Variants in KAZN observed in about 807,000 individuals in gnomAD.
The protein encoded by KAZN is kazrin, periplakin interacting protein, also known as kazrin.
A neutral mutation model predicts 87.4 loss-of-function variants in KAZN; 40 were observed. That is an observed-to-expected ratio of 0.46 (90% CI 0.36 to 0.60). The LOEUF (loss-of-function observed/expected upper bound fraction) is 0.60, where lower values mean the gene tolerates loss of function less well. KAZN is among the 20% of genes least tolerant of loss of function. The pLI is 0.00. For missense variants in KAZN, 898 were observed against 1,073.9 expected, an observed-to-expected ratio of 0.84 and a Z score of 2.29; for synonymous variants, 466 against 458.3, an observed-to-expected ratio of 1.02 and a Z score of -0.22.
At chr1:14,523,786 C>T (rs1385099521) in intron 2 of KAZN, among the ~76,000 whole-genome samples, 4 of 152,306 alleles carry the variant, frequency 2.6e-5, no homozygotes, top group Admixed American at 2.0e-4. Context: ...CCATGTGGTC[C>T]TGGGGCTGCA....
intron 1 of KAZN, among the ~76,000 whole-genome samples, chr1:14,741,712 G>A (rs1231658378): frequency 6.6e-6 from 1 of 152,168 alleles, no homozygotes; most frequent in Non-Finnish European, 1.5e-5. Flanking sequence ...ATAGCCAAGA[G>A]GTTCTCACTC....
chr1:14,086,757 G>C (rs1223591464), intron 1 of KAZN, among the ~76,000 whole-genome samples: 2 of 151,952 alleles, frequency 1.3e-5, no homozygotes, highest in Non-Finnish European at 2.9e-5. Context: ...ATGAGGGAAG[G>C]GTCTAGATAC....
intron 1 of KAZN, among the ~76,000 whole-genome samples, chr1:14,157,346 C>G (rs1220474683): frequency 6.6e-6 from 1 of 152,122 alleles, no homozygotes; most frequent in East Asian, 1.9e-4. Flanking sequence ...GAGCTTTGGA[C>G]CTTAAGATGA....
At chr1:14,297,251 A>G (rs1654196361) in intron 2 of KAZN, among the ~76,000 whole-genome samples, 2 of 152,174 alleles carry the variant, frequency 1.3e-5, no homozygotes, top group Admixed American at 6.5e-5. Flanking sequence ...TGCCTTGGTT[A>G]AAAGATAAGT....
At chr1:14,160,582 C>T (rs1317372212) in intron 1 of KAZN, among the ~76,000 whole-genome samples, 3 of 152,146 alleles carry the variant, frequency 2.0e-5, no homozygotes, top group Middle Eastern at 3.2e-3. Context: ...TGAGTTTTGG[C>T]TCTTATGAAG....
chr1:14,916,259 TC>T lies in KAZN; in HGVS notation c.227-44422del, dbSNP rs749937153. ...ATCTTGGTGCACTGCAGCCTCCACC[TC>T]CCGGGTTCAAGCGATTCTCCTGCCT... On this transcript the variant is annotated intron_variant, in intron 1 of 14. Coordinates refer to ENST00000376030, the MANE Select transcript of KAZN (RefSeq NM_201628.3). 2.2e-5 allele frequency among the ~76,000 whole-genome samples: 3 copies of T among 134,152 alleles called. No homozygotes were observed. In the East Asian group the frequency reaches 7.7e-4, roughly 35 times the overall value. 88.0% of individuals were successfully genotyped at this position (134,152 alleles called of 152,430 possible).
chr1:15,076,130 G>A (rs1457886634), intron 8 of KAZN, among the ~76,000 whole-genome samples: 4 of 152,208 alleles, frequency 2.6e-5, no homozygotes, highest in Non-Finnish European at 4.4e-5. Context: ...AGCTGTCACT[G>A]TGGGCACCAG....
intron 2 of KAZN, among the ~76,000 whole-genome samples, chr1:14,466,891 C>T (rs1464230353): frequency 2.0e-5 from 3 of 152,124 alleles, no homozygotes; most frequent in Non-Finnish European, 4.4e-5. Flanking sequence ...ATGGCGTGAA[C>T]CCAGGAGGTG....
intron 2 of KAZN, among the ~76,000 whole-genome samples, chr1:14,589,368 G>A (rs186415743): frequency 4.0e-5 from 6 of 150,764 alleles, no homozygotes; most frequent in Admixed American, 6.6e-5. Context: ...AGTCAATTAA[G>A]ATAAACATGA....
At chr1:14,071,529 T>G (rs1019890678) in intron 1 of KAZN, among the ~76,000 whole-genome samples, 40 of 152,250 alleles carry the variant, frequency 2.6e-4, no homozygotes, top group Middle Eastern at 3.4e-3. Context: ...AATGTATATT[T>G]GTGTAGAGAG....
At chr1:14,444,496 G>C (rs1666868382) in intron 2 of KAZN, among the ~76,000 whole-genome samples, 1 of 151,928 alleles carries the variant, frequency 6.6e-6, no homozygotes, top group Non-Finnish European at 1.5e-5. Flanking sequence ...ATTTTTAGTA[G>C]AGATGGGGTT....
At chr1:14,689,954 G>A (rs986108167) in intron 1 of KAZN, among the ~76,000 whole-genome samples, 1 of 152,194 alleles carries the variant, frequency 6.6e-6, no homozygotes, top group Admixed American at 6.5e-5. Context: ...GCATCTGAGT[G>A]CCTGCAGGGT....
chr1:14,667,307 C>T (rs1325467577), intron 1 of KAZN, among the ~76,000 whole-genome samples: 5 of 152,168 alleles, frequency 3.3e-5, no homozygotes, highest in Non-Finnish European at 7.3e-5. Flanking sequence ...TTTCAGCTCT[C>T]CTTGAAGGCG....
chr1:14,047,568 CT>C (rs1642128510), intron 1 of KAZN, among the ~76,000 whole-genome samples: 1 of 152,128 alleles, frequency 6.6e-6, no homozygotes, highest in Non-Finnish European at 1.5e-5. Flanking sequence ...ACTTCTGCTG[CT>C]TAGAAAGAAA....
rs1162637909 is a variant in KAZN, at chr1:14,134,985, A to ACC, written c.92-45449_92-45448insCC. Reference sequence around the variant, plus strand: ...TATGCACCCGCACACACACACACACACACACACACACACACACATGTGCAC... The same window carrying ACC: ...TATGCACCCGCACACACACACACACACCCACACACACACACACACATGTGCAC... On this transcript the variant is annotated intron_variant, in intron 1 of 16. Transcript: ENST00000636203. Among the ~76,000 whole-genome samples, 171 of 87,860 alleles carry ACC rather than the reference A, an allele frequency of 1.9e-3. 2 individuals are homozygous for ACC. In the East Asian group the frequency reaches 0.037, roughly 19 times the overall value. The allele number at this position is 87,860 out of a possible 152,430, so 57.6% of individuals were successfully genotyped here. A position where few individuals can be genotyped will look rare whatever the true frequency, so the allele number is the denominator to read the frequency against.
chr1:14,463,974 CGT>C (rs1279261778), intron 2 of KAZN, among the ~76,000 whole-genome samples: 3 of 152,124 alleles, frequency 2.0e-5, no homozygotes, highest in Non-Finnish European at 4.4e-5. Context: ...GCCCTTAGGC[CGT>C]ATCATTTTCA....
chr1:14,924,052 C>T, intron 1 of KAZN: 1 of 750,958 alleles, frequency 1.3e-6, no homozygotes, highest in Non-Finnish European at 1.5e-6. Context: ...CGCGGCGGGG[C>T]GGGGGCGGGG....
chr1:14,700,320 A>G (rs1384842102), intron 1 of KAZN, among the ~76,000 whole-genome samples: 1 of 152,018 alleles, frequency 6.6e-6, no homozygotes, highest in Non-Finnish European at 1.5e-5. Flanking sequence ...AAAAATACAA[A>G]AATTAGTTGG....
At chr1:14,279,912 G>A (rs922719805) in intron 2 of KAZN, among the ~76,000 whole-genome samples, 3 of 152,018 alleles carry the variant, frequency 2.0e-5, no homozygotes, top group African/African-American at 4.8e-5. Flanking sequence ...ACATCCCCTC[G>A]CTGCAGGCCA....
Sources: gnomAD v4.1 joint callset for allele counts (sites outside exome capture counted in the v4.1 genomes callset) on GRCh38, gnomAD v4.1.1 for gene constraint, MANE v1.5 for transcripts, NCBI Gene and HGNC (gene_info 2026-07-23, HGNC 2026-07-21) for gene names.